The following CRB1 variants were observed in gnomAD, a reference collection of about 807,000 sequenced individuals.
CRB1 encodes crumbs cell polarity complex component 1, also known as protein crumbs homolog 1.
A neutral mutation model predicts 120.0 loss-of-function variants in CRB1; 83 were observed. That is an observed-to-expected ratio of 0.69 (90% confidence interval 0.58 to 0.83). The LOEUF is 0.83. Ranked by LOEUF, CRB1 falls within the 40% of genes least tolerant of loss-of-function variation. The pLI is 0.00. For synonymous variants in CRB1, 625 were observed against 612.5 expected (o/e 1.02, Z -0.30); for missense variants, 1,699 against 1,687.6 (o/e 1.01, Z -0.12).
chr1:197,236,629 AT>A, the CRB1 span, among the ~76,000 whole-genome samples: 1 of 152,218 alleles, frequency 6.6e-6, no homozygotes, highest in East Asian at 1.9e-4. Context: ...GTCTTTCACC[AT>A]TAAAAATAAT....
intron 1 of CRB1, among the ~76,000 whole-genome samples, chr1:197,286,836 A>G (rs1057446980): frequency 1.3e-5 from 2 of 151,892 alleles, no homozygotes; most frequent in African/African-American, 4.8e-5. Context: ...ATGCAAAGCC[A>G]TATGGTTATC....
chr1:197,221,078 T>A, the CRB1 span, among the ~76,000 whole-genome samples: 1 of 152,232 alleles, frequency 6.6e-6, no homozygotes, highest in South Asian at 2.1e-4. Context: ...CAGACTACGA[T>A]ACTTGTGTTT....
intron 4 of CRB1, among the ~76,000 whole-genome samples, chr1:197,351,187 C>CAAAAAAAAAAAA (rs780090689): frequency 1.4e-4 from 12 of 85,370 alleles, no homozygotes; most frequent in African/African-American, 1.9e-4. Context: ...ACTAAAAATA[C>CAAAAAAAAAAAA]AAAAAAAAAA....
At chr1:197,389,847 G>C (rs1239421281) in intron 5 of CRB1, among the ~76,000 whole-genome samples, 1 of 151,952 alleles carries the variant, frequency 6.6e-6, no homozygotes, top group East Asian at 1.9e-4. Flanking sequence ...AGTTTCTAAA[G>C]TCTTGAAAAC....
chr1:197,327,706 TC>T (rs1437247250), intron 1 of CRB1, among the ~76,000 whole-genome samples: 1 of 149,886 alleles, frequency 6.7e-6, no homozygotes, highest in African/African-American at 2.4e-5. Flanking sequence ...TAAAATCTTT[TC>T]TTTTCTCTTG....
intron 5 of CRB1, among the ~76,000 whole-genome samples, chr1:197,394,574 G>T (rs1270998129): frequency 4.0e-5 from 6 of 151,762 alleles, no homozygotes; most frequent in Non-Finnish European, 8.8e-5. Flanking sequence ...TTATAATTAT[G>T]TATTAATTTA....
chr1:197,468,995 G>A (rs184618928), intron 11 of CRB1, among the ~76,000 whole-genome samples: 9 of 152,270 alleles, frequency 5.9e-5, no homozygotes, highest in Admixed American at 2.6e-4. Context: ...CCCCGGCCCC[G>A]GCACTAGCTA....
At chr1:197,386,303 G>A (rs1486373510) in intron 5 of CRB1, among the ~76,000 whole-genome samples, 1 of 152,120 alleles carries the variant, frequency 6.6e-6, no homozygotes, top group Non-Finnish European at 1.5e-5. Flanking sequence ...CTGGCACATA[G>A]TAAGAGCTTT....
At chr1:197,224,240 A>T in the CRB1 span, among the ~76,000 whole-genome samples, 1 of 152,168 alleles carries the variant, frequency 6.6e-6, no homozygotes, top group East Asian at 1.9e-4. Context: ...AAAAAGTATA[A>T]TGTATATCAA....
the CRB1 span, among the ~76,000 whole-genome samples, chr1:197,251,871 G>A: frequency 6.6e-6 from 1 of 152,004 alleles, no homozygotes; most frequent in African/African-American, 2.4e-5. Context: ...TCTGCTTATT[G>A]TCAGTTTGTC....
intron 5 of CRB1, among the ~76,000 whole-genome samples, chr1:197,411,459 G>A (rs889390183): frequency 5.9e-5 from 9 of 152,170 alleles, no homozygotes; most frequent in Admixed American, 1.3e-4. Flanking sequence ...CCAATAAGTT[G>A]TATCTCTTCT....
In CRB1 at chr1:197,309,753, AAAATAAAT is replaced by A. The variant is rs57529093; in HGVS notation, c.71-18632_71-18625del. 8.3e-3 allele frequency among the ~76,000 whole-genome samples: 1,171 copies of A among 141,570 alleles called. 8 individuals carry two copies. The highest frequency in any genetic ancestry group is 0.024 in the East Asian group (113 of 4,648). The allele number at this position is 141,570 out of a possible 152,430, so 92.9% of individuals were successfully genotyped here. A position where few individuals can be genotyped will look rare whatever the true frequency, so the allele number is the denominator to read the frequency against. On this transcript the variant is annotated intron_variant, in intron 1 of 11. Coordinates refer to ENST00000367400, the MANE Select transcript of CRB1 (RefSeq NM_201253.3). ...TGATAACAGAGCAAGACTACATCTC[AAAATAAAT>A]AAATAAATAAATAAATAAATAAATA...
the CRB1 span, among the ~76,000 whole-genome samples, chr1:197,224,312 G>T: frequency 6.6e-6 from 1 of 152,024 alleles, no homozygotes. Context: ...ACATTTAAAA[G>T]AATTTTAGAC....
chr1:197,478,142 T>A lies in CRB1; in HGVS notation c.*263T>A. 4.2e-6 allele frequency: 2 copies of A among 480,486 alleles called. No homozygotes were observed. The highest frequency in any genetic ancestry group is 3.9e-5 in the African/African-American group (2 of 51,300). The allele number at this position is 480,486 out of a possible 1,614,324, so 29.8% of individuals were successfully genotyped here. A position where few individuals can be genotyped will look rare whatever the true frequency, so the allele number is the denominator to read the frequency against. On this transcript the variant is annotated 3_prime_UTR_variant, in exon 12 of 12. Coordinates refer to ENST00000367400, the MANE Select transcript of CRB1 (RefSeq NM_201253.3). ...ATTAGCAAAAACATCTTCCAGAGAA[T>A]AAAGTCTTCTGTGGCTTTAGTGGCT...
chr1:197,386,871 T>C (rs1662242637), intron 5 of CRB1, among the ~76,000 whole-genome samples: 1 of 152,156 alleles, frequency 6.6e-6, no homozygotes, highest in Non-Finnish European at 1.5e-5. Context: ...CTGTCAATTG[T>C]TAATAATTTT....
chr1:197,270,600 G>T (rs1451168985), intron 1 of CRB1, among the ~76,000 whole-genome samples: 1 of 152,138 alleles, frequency 6.6e-6, no homozygotes, highest in Admixed American at 6.6e-5. Context: ...TAGGAGAAAA[G>T]ATAAACACTA....
At chr1:197,336,691 G>A (rs1182396125) in intron 2 of CRB1, among the ~76,000 whole-genome samples, 1 of 152,128 alleles carries the variant, frequency 6.6e-6, no homozygotes, top group Non-Finnish European at 1.5e-5. Flanking sequence ...GGCATTGTGC[G>A]GACTTCGGAG....
chr1:197,291,747 A>G (rs1476502249), intron 1 of CRB1, among the ~76,000 whole-genome samples: 1 of 151,850 alleles, frequency 6.6e-6, no homozygotes, highest in Non-Finnish European at 1.5e-5. Context: ...GATTGCATAT[A>G]TAATTATAAT....
intron 5 of CRB1, among the ~76,000 whole-genome samples, chr1:197,407,408 C>T (rs1358935744): frequency 6.6e-6 from 1 of 152,200 alleles, no homozygotes; most frequent in Non-Finnish European, 1.5e-5. Context: ...CTAAAAGTCA[C>T]TGCCATTTTT....
Sources: gnomAD v4.1 joint callset for allele counts (sites outside exome capture counted in the v4.1 genomes callset) on GRCh38, gnomAD v4.1.1 for gene constraint, MANE v1.5 for transcripts, NCBI Gene and HGNC (gene_info 2026-07-23, HGNC 2026-07-21) for gene names.